Variants in PCDH9 observed in about 807,000 individuals in gnomAD.
The protein encoded by PCDH9 is protocadherin-9.
PCDH9 carries 24 observed loss-of-function variants against 70.6 expected under a neutral mutation model. That is an observed-to-expected ratio of 0.34 (90% CI 0.25 to 0.48). The LOEUF is 0.48. Ranked by LOEUF, PCDH9 falls within the 20% of genes least tolerant of loss-of-function variation. The pLI is 0.99. For missense variants in PCDH9, 1,281 were observed against 1,503.6 expected (o/e 0.85, Z 2.45); for synonymous variants, 562 against 558.5 (o/e 1.01, Z -0.09).
At chr13:66,655,984 G>A (rs2077923152) in intron 3 of PCDH9, among the ~76,000 whole-genome samples, 1 of 152,136 alleles carries the variant, frequency 6.6e-6, no homozygotes, top group African/African-American at 2.4e-5. Context: ...TTGCACTCAA[G>A]GTCTGCTAAC....
chr13:66,760,205 G>C (rs1369628906), intron 3 of PCDH9, among the ~76,000 whole-genome samples: 1 of 152,074 alleles, frequency 6.6e-6, no homozygotes, highest in Non-Finnish European at 1.5e-5. Flanking sequence ...TTTCTGTAGA[G>C]AAGTCCTCTG....
intron 3 of PCDH9, among the ~76,000 whole-genome samples, chr13:66,692,367 T>A (rs2078500480): frequency 6.6e-6 from 1 of 152,092 alleles, no homozygotes; most frequent in African/African-American, 2.4e-5. Flanking sequence ...GACCTTTGCA[T>A]AATTTAGTGT....
rs1465200265 is a variant in PCDH9 at position 67,226,434 on chromosome 13, A to G, written c.2007T>C (p.Asn669=). The G allele has an allele frequency of 3.1e-6, 5 of 1,614,152 alleles. No individual in the cohort carries two copies. The Admixed American group carries it at 8.3e-5, about 27-fold the overall frequency. ...AKVTINVMDV[N]DNSPVVISPP... ...GAGAAATGACAACTGGGCTGTTGTC[A>G]TTGACATCCATGACGTTGATAGTTA... Residue 669 remains asparagine (N), a synonymous_variant, in exon 2 of 5, where the codon AAT becomes AAC. Coordinates refer to ENST00000377865, the MANE Select transcript of PCDH9 (RefSeq NM_203487.3). The surrounding 1 kb of genome is among the most constrained non-coding windows in gnomAD (Gnocchi z 5.0).
rs189984557 is a variant in PCDH9, at chr13:66,702,324, C to T, written c.3139-70913G>A. Among the ~76,000 whole-genome samples the T allele has an allele frequency of 2.2e-3, 337 of 152,062 alleles. 1 individual carries two copies. The highest frequency in any genetic ancestry group is 2.5e-3 in the Admixed American group (38 of 15,278). ...TAAGCCTTCCAGAACACAGGTTTTC[C>T]GTTTTAGAAAATAGATCTATGTATG... On this transcript the variant is annotated intron_variant, in intron 3 of 4. Coordinates refer to ENST00000377865, the MANE Select transcript of PCDH9 (RefSeq NM_203487.3).
intron 2 of PCDH9, among the ~76,000 whole-genome samples, chr13:67,011,871 C>G (rs1165627490): frequency 6.6e-5 from 10 of 151,800 alleles, no homozygotes; most frequent in Non-Finnish European, 1.0e-4. Flanking sequence ...GTAAACCTGT[C>G]CTCCCAAATA....
chr13:67,089,415 G>A lies in PCDH9; in HGVS notation c.3036+135990C>T, dbSNP rs181350011. ...ACCTGAAGTAGCGTAAGACTCCAGC[G>A]AATGGATCCAAAGGCTACAGACAAG... On this transcript the variant is annotated intron_variant, in intron 2 of 4. Transcript: ENST00000377865. Among the ~76,000 whole-genome samples, 25 of 152,038 alleles carry A rather than the reference G, an allele frequency of 1.6e-4. 1 individual carries two copies. Among genetic ancestry groups the A allele is most frequent in the South Asian group, 1.2e-3 (6 of 4,824 alleles).
chr13:66,989,745 T>C (rs575604943), intron 2 of PCDH9, among the ~76,000 whole-genome samples: 2 of 152,034 alleles, frequency 1.3e-5, no homozygotes, highest in East Asian at 3.9e-4. Flanking sequence ...TCTAATTGAA[T>C]ATGCACTTGG....
At chr13:66,734,461 T>C (rs2079118371) in intron 3 of PCDH9, among the ~76,000 whole-genome samples, 1 of 152,218 alleles carries the variant, frequency 6.6e-6, no homozygotes, top group South Asian at 2.1e-4. Flanking sequence ...TAGTAAATTA[T>C]TGTACCTGAG....
At chr13:67,021,006 T>C (rs2084663234) in intron 2 of PCDH9, among the ~76,000 whole-genome samples, 1 of 152,238 alleles carries the variant, frequency 6.6e-6, no homozygotes, top group Admixed American at 6.5e-5. Context: ...TTTCATTATA[T>C]AAACACACAC....
At chr13:66,724,961 T>C (rs1414184602) in intron 3 of PCDH9, among the ~76,000 whole-genome samples, 2 of 152,180 alleles carry the variant, frequency 1.3e-5, no homozygotes, top group African/African-American at 4.8e-5. Flanking sequence ...GAGATTTAAA[T>C]ATTACATAGT....
chr13:66,513,290 A>G (rs1263956182), intron 4 of PCDH9, among the ~76,000 whole-genome samples: 1 of 151,668 alleles, frequency 6.6e-6, no homozygotes, highest in African/African-American at 2.4e-5. Context: ...TTCAGTAGCA[A>G]ATGAAAACTT....
At chr13:66,723,384 A>G (rs1361278346) in intron 3 of PCDH9, among the ~76,000 whole-genome samples, 1 of 152,202 alleles carries the variant, frequency 6.6e-6, no homozygotes, top group Non-Finnish European at 1.5e-5. Flanking sequence ...TTAAATTTTC[A>G]GAATAAAATT....
At chr13:67,179,634 T>G (rs886667014) in intron 2 of PCDH9, among the ~76,000 whole-genome samples, 5 of 152,264 alleles carry the variant, frequency 3.3e-5, no homozygotes, top group African/African-American at 1.2e-4. Flanking sequence ...TTTTTATGCC[T>G]GTCATACTCT....
At chr13:67,092,584 C>A (rs1353037896) in intron 2 of PCDH9, among the ~76,000 whole-genome samples, 1 of 152,086 alleles carries the variant, frequency 6.6e-6, no homozygotes, top group East Asian at 1.9e-4. Context: ...GTACTTTATT[C>A]CCCCGGACTG....
chr13:66,946,043 A>G (rs1004056442), intron 2 of PCDH9, among the ~76,000 whole-genome samples: 2 of 152,184 alleles, frequency 1.3e-5, no homozygotes, highest in African/African-American at 4.8e-5. Context: ...GGATGAAAAT[A>G]GCATCAAATT....
intron 4 of PCDH9, among the ~76,000 whole-genome samples, chr13:66,596,652 A>G (rs2077106760): frequency 6.6e-6 from 1 of 151,654 alleles, no homozygotes; most frequent in Non-Finnish European, 1.5e-5. Flanking sequence ...CTATCACTGG[A>G]TCATTGTTTT....
chr13:66,437,075 A>G (rs952969341), intron 4 of PCDH9, among the ~76,000 whole-genome samples: 2 of 151,378 alleles, frequency 1.3e-5, no homozygotes, highest in Non-Finnish European at 2.9e-5. Context: ...TAGAATGCCT[A>G]TCTCACCACT....
chr13:66,480,288 CTT>C (rs1958814100), intron 4 of PCDH9, among the ~76,000 whole-genome samples: 1 of 152,132 alleles, frequency 6.6e-6, no homozygotes, highest in Admixed American at 6.6e-5. Context: ...ATGATAAAAA[CTT>C]AAACAGATGA....
intron 2 of PCDH9, among the ~76,000 whole-genome samples, chr13:67,075,366 T>G (rs530946080): frequency 2.7e-4 from 41 of 152,192 alleles, no homozygotes; most frequent in African/African-American, 9.1e-4. Context: ...AATATTCTGA[T>G]TTGACATAAA....
Sources: gnomAD v4.1 joint callset for allele counts (sites outside exome capture counted in the v4.1 genomes callset) on GRCh38, gnomAD v4.1.1 for gene constraint, Gnocchi (gnomAD v3.1) non-coding constraint, MANE v1.5 for transcripts, NCBI Gene and HGNC (gene_info 2026-07-23, HGNC 2026-07-21) for gene names.